Variants in UGT1A7 observed in about 807,000 individuals in gnomAD.
The protein encoded by UGT1A7 is UDP glucuronosyltransferase family 1 member A7, also known as UDP-glucuronosyltransferase 1A7.
A neutral mutation model predicts 45.6 loss-of-function variants in UGT1A7; 33 were observed. The ratio of observed to expected loss-of-function variants is 0.72; its 90% CI spans 0.55 to 0.97. The LOEUF (loss-of-function observed/expected upper bound fraction) is 0.97, where lower values mean the gene tolerates loss of function less well. UGT1A7 is among the 50% of genes least tolerant of loss of function. The probability of loss-of-function intolerance (pLI) is 0.00; values close to 1 mark genes in which losing one functional copy is unlikely to be tolerated. For missense variants in UGT1A7, 684 were observed against 666.2 expected (o/e 1.03, Z -0.29); for synonymous variants, 274 against 250.6 (o/e 1.09, Z -0.88).
At chr2:233,690,626 G>A in intron 1 of UGT1A7, 4 of 1,288,804 alleles carry the variant, frequency 3.1e-6, no homozygotes, top group Non-Finnish European at 3.0e-6. Flanking sequence ...ACACTCAAGT[G>A]ATACCTGAGG....
rs753056825 is a variant in UGT1A7 at position 233,767,178 on chromosome 2, T to C, written c.987+13T>C. 16 of 1,614,056 alleles carry C rather than the reference T, an allele frequency of 9.9e-6. No homozygotes were observed. Among genetic ancestry groups the C allele is most frequent in the Non-Finnish European group, 1.4e-5 (16 of 1,180,000 alleles). On this transcript the variant is annotated intron_variant, in intron 2 of 4. Coordinates refer to ENST00000373426, the MANE Select transcript of UGT1A7 (RefSeq NM_019077.3). ...AATCCCTCAGACAGTAAGAAGATTCTATACCATGGCCTCATATCTATTTTC... is the reference window on the plus strand; with the variant it reads ...AATCCCTCAGACAGTAAGAAGATTCCATACCATGGCCTCATATCTATTTTC...
At chr2:233,693,209 G>A (rs868688696) in intron 1 of UGT1A7, 1 of 1,614,180 alleles carries the variant, frequency 6.2e-7, no homozygotes, top group South Asian at 1.1e-5. Flanking sequence ...GCTTTTGAAA[G>A]AATCCAAATA....
chr2:233,733,094 T>C (rs1220598340), intron 1 of UGT1A7, among the ~76,000 whole-genome samples: 7 of 152,326 alleles, frequency 4.6e-5, no homozygotes, highest in Non-Finnish European at 8.8e-5. Context: ...AGTTCACTCA[T>C]GGTTTGGCTC....
chr2:233,731,428 C>G (rs2078158900), intron 1 of UGT1A7, among the ~76,000 whole-genome samples: 1 of 152,060 alleles, frequency 6.6e-6, no homozygotes, highest in South Asian at 2.1e-4. Context: ...AATGCCATCC[C>G]TCCCCCAGTC....
intron 1 of UGT1A7, chr2:233,748,039 T>A: frequency 1.2e-6 from 2 of 1,613,500 alleles, no homozygotes; most frequent in South Asian, 1.1e-5. Flanking sequence ...ATGGTCTTCA[T>A]TGGGGGCATC....
chr2:233,725,862 C>A (rs1291459047), intron 1 of UGT1A7, among the ~76,000 whole-genome samples: 1 of 152,150 alleles, frequency 6.6e-6, no homozygotes, highest in African/African-American at 2.4e-5. Context: ...TTCCCCATCT[C>A]TTTTAATTTG....
At chr2:233,757,106 G>A (rs1294387153) in intron 1 of UGT1A7, among the ~76,000 whole-genome samples, 2 of 151,332 alleles carry the variant, frequency 1.3e-5, no homozygotes, top group African/African-American at 4.9e-5. Flanking sequence ...GAGGGGGCAA[G>A]CAGAAGGGCT....
At chr2:233,714,752 CACTT>C (rs1470277525) in intron 1 of UGT1A7, among the ~76,000 whole-genome samples, 11 of 152,208 alleles carry the variant, frequency 7.2e-5, no homozygotes, top group African/African-American at 2.7e-4. Context: ...ATATATTTGA[CACTT>C]ACAGTATATC....
At chr2:233,729,213 A>G (rs760379481) in intron 1 of UGT1A7, 11 of 1,613,914 alleles carry the variant, frequency 6.8e-6, no homozygotes, top group Non-Finnish European at 8.5e-6. Context: ...CTGAGAGTGG[A>G]AAGGTGTTGG....
At position 233,767,137 on chromosome 2, in the gene UGT1A7, C is replaced by T. The variant is rs761316504; in HGVS notation, c.959C>T (p.Ala320Val). The T allele has an allele frequency of 3.1e-6, 5 of 1,614,108 alleles. No homozygotes were observed. The highest frequency in any genetic ancestry group is 1.7e-5 in the Admixed American group (1 of 60,028). Reference protein sequence around the residue: ...EIPEKKAMAIADALGKIPQTV... With the variant: ...EIPEKKAMAIVDALGKIPQTV... ...CCAGAGAAGAAAGCTATGGCAATTGCTGATGCTTTGGGCAAAATCCCTCAG... is the reference window on the plus strand; with the variant it reads ...CCAGAGAAGAAAGCTATGGCAATTGTTGATGCTTTGGGCAAAATCCCTCAG... The change falls in exon 2 of 5, where the codon GCT becomes GTT. Residue 320 changes from alanine (A) to valine (V), a missense_variant. Coordinates refer to ENST00000373426, the MANE Select transcript of UGT1A7 (RefSeq NM_019077.3).
chr2:233,705,833 C>A (rs915135173), intron 1 of UGT1A7, among the ~76,000 whole-genome samples: 3 of 152,118 alleles, frequency 2.0e-5, no homozygotes, highest in African/African-American at 7.2e-5. Flanking sequence ...AGCACAGTGG[C>A]TGGAGCTGAA....
chr2:233,769,725 C>T lies in UGT1A7; in HGVS notation c.1295+1286C>T, dbSNP rs1699926771. The T allele has an allele frequency of 6.7e-7, 1 of 1,483,194 alleles. No homozygotes were observed. Among genetic ancestry groups the T allele is most frequent in the Non-Finnish European group, 9.0e-7 (1 of 1,115,276 alleles). 91.9% of individuals were successfully genotyped at this position (1,483,194 alleles called of 1,614,324 possible). On this transcript the variant is annotated intron_variant, in intron 4 of 4. Transcript: ENST00000373426. This position sits in a 1 kb window ranked among gnomAD's most constrained non-coding sequence, Gnocchi z 4.4. The stretch of plus-strand genomic sequence containing the variant: ...TCAATGTTGGCTAGGCACCATGGCA[C>T]ACGCCTGTAGTCCCAGCCACTCTGG...
intron 1 of UGT1A7, among the ~76,000 whole-genome samples, chr2:233,746,948 G>A (rs1241927959): frequency 6.6e-6 from 1 of 151,802 alleles, no homozygotes; most frequent in Non-Finnish European, 1.5e-5. Context: ...TGAGAAACAA[G>A]AGCTTGAACT....
Position 233,750,958 on chromosome 2 carries a change from G to T in UGT1A7, c.856-16076G>T, listed in dbSNP as rs922419338. 9.9e-5 allele frequency among the ~76,000 whole-genome samples: 15 copies of T among 151,802 alleles called. 1 individual carries two copies. The highest frequency in any genetic ancestry group is 3.6e-4 in the African/African-American group (15 of 41,098). On this transcript the variant is annotated intron_variant, in intron 1 of 4. Transcript: ENST00000373426. ...GAGCCCCCACACAGAGTCTCCACTG[G>T]GGCACTGCCTAGTGGAGTTGTGAGA...
At chr2:233,708,451 T>G (rs1007401152) in intron 1 of UGT1A7, 1 of 152,222 alleles carries the variant, frequency 6.6e-6, no homozygotes, top group African/African-American at 2.4e-5. Context: ...CTTCTGCATT[T>G]AATAGAATTG....
chr2:233,748,146 T>TAA, intron 1 of UGT1A7: 1 of 1,606,298 alleles, frequency 6.2e-7, no homozygotes, highest in Non-Finnish European at 8.5e-7. Flanking sequence ...TGTATTTACT[T>TAA]ACAATTGCTT....
rs760373903 is a variant in UGT1A7 at position 233,682,308 on chromosome 2, G to T, written c.371G>T (p.Cys124Phe). ...NGIFDLFFSN[C>F]RSLFNDRKLV... ...ATTTTTGACTTATTTTTTTCAAATTGCAGGAGTTTGTTTAATGACCGAAAA... is the reference window on the plus strand; with the variant it reads ...ATTTTTGACTTATTTTTTTCAAATTTCAGGAGTTTGTTTAATGACCGAAAA... Residue 124 changes from cysteine to phenylalanine, a missense_variant, in exon 1 of 5, where the codon TGC (cysteine) becomes TTC (phenylalanine). Physicochemically the swap from Cys to Phe is radical, Grantham distance 205. Coordinates refer to ENST00000373426, the MANE Select transcript of UGT1A7 (RefSeq NM_019077.3). The T allele has an allele frequency of 5.0e-6, 8 of 1,614,108 alleles. No homozygotes were observed. The South Asian group carries it at 8.8e-5, about 18-fold the overall frequency.
chr2:233,718,423 G>A (rs1017112190), intron 1 of UGT1A7, among the ~76,000 whole-genome samples: 2 of 152,246 alleles, frequency 1.3e-5, no homozygotes. Context: ...CAGAGAACAT[G>A]TGGTTGGGGA....
At chr2:233,719,767 A>G (rs1291617855) in intron 1 of UGT1A7, 8 of 1,611,870 alleles carry the variant, frequency 5.0e-6, no homozygotes, top group Non-Finnish European at 6.8e-6. Context: ...AAGTGCTTCC[A>G]TATCTACTTA....
Sources: gnomAD v4.1 joint callset for allele counts (sites outside exome capture counted in the v4.1 genomes callset) on GRCh38, gnomAD v4.1.1 for gene constraint, Gnocchi (gnomAD v3.1) non-coding constraint, MANE v1.5 for transcripts, NCBI Gene and HGNC (gene_info 2026-07-23, HGNC 2026-07-21) for gene names.